FCGR1A: variants seen among roughly 807,000 people sequenced by gnomAD.
FCGR1A encodes high affinity immunoglobulin gamma Fc receptor I.
FCGR1A carries 13 observed loss-of-function variants against 35.0 expected under a neutral mutation model. The observed-to-expected ratio is 0.37, with a 90% CI of 0.24 to 0.59. FCGR1A has a LOEUF of 0.59. Ranked by LOEUF, FCGR1A falls within the 20% of genes least tolerant of loss-of-function variation. The pLI, the probability that FCGR1A is intolerant of heterozygous loss-of-function variation, is 0.71. For missense variants in FCGR1A, 227 were observed against 430.0 expected, an observed-to-expected ratio of 0.53 and a Z score of 4.17; for synonymous variants, 91 against 164.7, an observed-to-expected ratio of 0.55 and a Z score of 3.43.
chr1:149,798,521 T>G, the FCGR1A span, among the ~76,000 whole-genome samples: 1 of 151,606 alleles, frequency 6.6e-6, no homozygotes, highest in African/African-American at 2.4e-5. Context: ...CCTTGTTAAA[T>G]GCAAACAATT....
intron 4 of FCGR1A, among the ~76,000 whole-genome samples, chr1:149,789,766 C>A (rs1348645235): frequency 6.6e-5 from 10 of 152,148 alleles, no homozygotes; most frequent in Non-Finnish European, 1.5e-4. Flanking sequence ...CCCCACTTCA[C>A]CCCCCGGCTG....
At chr1:149,786,737 A>G (rs1553750880) in intron 3 of FCGR1A, 2 of 152,230 alleles carry the variant, frequency 1.3e-5, no homozygotes, top group African/African-American at 4.8e-5. Context: ...TTACCATTTA[A>G]GTTTAAAAAC....
the FCGR1A span, among the ~76,000 whole-genome samples, chr1:149,797,650 T>G: frequency 6.6e-6 from 1 of 152,188 alleles, no homozygotes; most frequent in Non-Finnish European, 1.5e-5. Flanking sequence ...CAGGCTGGAG[T>G]GCAGTGGCAT....
chr1:149,785,194 T>C (rs1449135510), intron 3 of FCGR1A, among the ~76,000 whole-genome samples: 2 of 152,248 alleles, frequency 1.3e-5, no homozygotes, highest in Middle Eastern at 3.4e-3. Context: ...AGTGATGAGT[T>C]TAAACTTCGT....
downstream of FCGR1A, chr1:149,792,332 G>T: frequency 9.7e-6 from 3 of 308,806 alleles, no homozygotes; most frequent in Non-Finnish European, 1.6e-5. Context: ...TGCCTCCAGA[G>T]ATTTGCTTTA....
chr1:149,793,039 C>A, downstream of FCGR1A: 2 of 1,261,446 alleles, frequency 1.6e-6, no homozygotes, highest in Non-Finnish European at 2.0e-6. Flanking sequence ...CGCCAGCTCC[C>A]GGGCCCCGGC....
chr1:149,799,440 C>T, the FCGR1A span, among the ~76,000 whole-genome samples: 2 of 152,160 alleles, frequency 1.3e-5, no homozygotes, highest in Non-Finnish European at 2.9e-5. Flanking sequence ...TAGGACCTTG[C>T]AATCTAAGGA....
intron 4 of FCGR1A, among the ~76,000 whole-genome samples, chr1:149,789,565 T>G (rs2091648170): frequency 6.6e-6 from 1 of 152,168 alleles, no homozygotes; most frequent in Non-Finnish European, 1.5e-5. Flanking sequence ...TCCCAACCCT[T>G]ACTGGTCCGT....
the FCGR1A span, among the ~76,000 whole-genome samples, chr1:149,800,393 C>T: frequency 6.6e-6 from 1 of 151,006 alleles, no homozygotes; most frequent in Admixed American, 6.6e-5. Flanking sequence ...CCCCTCTCCC[C>T]TCCCCGGAAG....
At chr1:149,793,921 C>T (rs2091769608), downstream of FCGR1A, 4 of 1,285,956 alleles carry the variant, frequency 3.1e-6, no homozygotes, top group Non-Finnish European at 4.0e-6. Flanking sequence ...AGCTAAATGC[C>T]TTCAGGATTT....
chr1:149,796,248 G>T (rs1302085217), downstream of FCGR1A, among the ~76,000 whole-genome samples: 8 of 152,208 alleles, frequency 5.3e-5, no homozygotes, highest in Non-Finnish European at 8.8e-5. Flanking sequence ...ATAAATTGTG[G>T]AGAGGGAGCA....
Position 149,791,580 on chromosome 1 carries a change from C to T in FCGR1A, c.*63C>T. On this transcript the variant is annotated 3_prime_UTR_variant, in exon 6 of 6. Coordinates refer to ENST00000369168, the MANE Select transcript of FCGR1A (RefSeq NM_000566.4). Reference sequence around the variant, plus strand: ...CCTGCCCACTTGCTCCCCGTGAGCACTGCGTACAAACATCCAAAAGTTCAA... The same window carrying T: ...CCTGCCCACTTGCTCCCCGTGAGCATTGCGTACAAACATCCAAAAGTTCAA... 6.3e-7 allele frequency: 1 copy of T among 1,598,294 alleles called. No individual in the cohort carries two copies. Among genetic ancestry groups the T allele is most frequent in the Non-Finnish European group, 8.5e-7 (1 of 1,174,644 alleles).
Position 149,790,196 on chromosome 1 carries a change from G to C in FCGR1A, c.702G>C (p.Lys234Asn), listed in dbSNP as rs2091668138. Reference sequence around the variant, plus strand: ...ACTTCTCCTTCTACATGGGCAGCAAGACCCTGCGAGGCAGGAACACATCCT... The same window carrying C: ...ACTTCTCCTTCTACATGGGCAGCAACACCCTGCGAGGCAGGAACACATCCT... Reference protein sequence around the residue: ...QLYFSFYMGSKTLRGRNTSSE... With the variant: ...QLYFSFYMGSNTLRGRNTSSE... Residue 234 changes from lysine to asparagine, a missense_variant, in exon 5 of 6, where the codon AAG (lysine) becomes AAC (asparagine). This residue lies in a region of FCGR1A where 185 missense variants were observed against 306.6 expected (regional missense o/e 0.60). Coordinates refer to ENST00000369168, the MANE Select transcript of FCGR1A (RefSeq NM_000566.4). 1 of 1,613,710 alleles carries C rather than the reference G, an allele frequency of 6.2e-7. No individual in the cohort carries two copies. Among genetic ancestry groups the C allele is most frequent in the Non-Finnish European group, 8.5e-7 (1 of 1,179,820 alleles).
chr1:149,797,763 A>G, the FCGR1A span, among the ~76,000 whole-genome samples: 1 of 151,968 alleles, frequency 6.6e-6, no homozygotes, highest in African/African-American at 2.4e-5. Flanking sequence ...ACATCCAGCT[A>G]ATTTTTGTAT....
Position 149,791,328 on chromosome 1 carries a change from A to G in FCGR1A, c.936A>G (p.Thr312=), listed in dbSNP as rs147436195. ...MFLVNTVLWV[T]IRKELKRKKK... is the part of the protein sequence containing the mutation. Reference sequence around the variant, plus strand: ...TAGTGAACACTGTTCTCTGGGTGACAATACGTAAAGAACTGAAAAGAAAGA... The same window carrying G: ...TAGTGAACACTGTTCTCTGGGTGACGATACGTAAAGAACTGAAAAGAAAGA... Residue 312 remains threonine (T), a synonymous_variant, in exon 6 of 6, where the codon ACA becomes ACG. Coordinates refer to ENST00000369168, the MANE Select transcript of FCGR1A (RefSeq NM_000566.4). 2.5e-6 allele frequency: 4 copies of G among 1,593,346 alleles called. No homozygotes were observed. Among genetic ancestry groups the G allele is most frequent in the East Asian group, 2.3e-5 (1 of 44,266 alleles).
chr1:149,791,397 G>A lies in FCGR1A; in HGVS notation c.1005G>A (p.Lys335=). Residue 335 remains lysine (K), a synonymous_variant, in exon 6 of 6, where the codon AAG becomes AAA. Coordinates refer to ENST00000369168, the MANE Select transcript of FCGR1A (RefSeq NM_000566.4). ...LEISLDSGHE[K]KVISSLQEDR... The stretch of plus-strand genomic sequence containing the variant: ...TCTCTTTGGATTCTGGTCATGAGAA[G>A]AAGGTAATTTCCAGCCTTCAAGAAG... 1 of 1,595,742 alleles carries A rather than the reference G, an allele frequency of 6.3e-7. No homozygotes were observed. Among genetic ancestry groups the A allele is most frequent in the South Asian group, 1.1e-5 (1 of 89,918 alleles).
At chr1:149,797,237 A>G in the FCGR1A span, among the ~76,000 whole-genome samples, 1 of 152,212 alleles carries the variant, frequency 6.6e-6, no homozygotes, top group South Asian at 2.1e-4. Flanking sequence ...AAGGATATGT[A>G]TATCTGATTT....
the FCGR1A span, among the ~76,000 whole-genome samples, chr1:149,800,415 C>T: frequency 6.7e-6 from 1 of 149,692 alleles, no homozygotes; most frequent in East Asian, 2.0e-4. Context: ...TGGAGGTGGG[C>T]TGAAAGTCCC....
chr1:149,794,469 AT>A (rs1215093075), downstream of FCGR1A, among the ~76,000 whole-genome samples: 4 of 130,606 alleles, frequency 3.1e-5, 1 homozygote, highest in African/African-American at 1.2e-4. Context: ...AGAGATACAA[AT>A]TTGCCAATCA....
Sources: allele counts gnomAD v4.1 joint callset (sites outside exome capture counted in the v4.1 genomes callset), GRCh38; gene constraint gnomAD v4.1.1; regional missense constraint gnomAD v4.1.1; transcripts MANE v1.5; gene names NCBI Gene and HGNC (gene_info 2026-07-23, HGNC 2026-07-21).